Variants in PRKN observed in about 807,000 individuals in gnomAD.
PRKN encodes the protein parkin RBR E3 ubiquitin protein ligase.
In PRKN, 56 loss-of-function variants were observed where a neutral mutation model predicts 59.5. The observed-to-expected ratio is 0.94, with a 90% confidence interval of 0.76 to 1.18. PRKN has a LOEUF of 1.18. PRKN is among the 50% of genes most tolerant of loss of function. PRKN has a pLI of 0.00. For synonymous variants in PRKN, 250 were observed against 222.1 expected (o/e 1.13, Z -1.12); for missense variants, 657 against 596.4 (o/e 1.10, Z -1.06).
rs1051506517 is a variant in PRKN, at chr6:161,628,912, G to T, written c.872-59496C>A. Among the ~76,000 whole-genome samples the T allele has an allele frequency of 2.4e-4, 36 of 152,252 alleles. 1 individual carries two copies. Among genetic ancestry groups the T allele is most frequent in the African/African-American group, 7.5e-4 (31 of 41,538 alleles). On this transcript the variant is annotated intron_variant, in intron 7 of 11. Coordinates refer to ENST00000366898, the MANE Select transcript of PRKN (RefSeq NM_004562.3). ...GAGCAGGCAATGAAGAGAACCATTC[G>T]CAGGACACACAGCTTTAATTAAGTA...
At chr6:162,066,867 T>C (rs1288991496) in intron 4 of PRKN, among the ~76,000 whole-genome samples, 1 of 152,206 alleles carries the variant, frequency 6.6e-6, no homozygotes. Context: ...GTCTTTATGT[T>C]GTGGCAGAAG....
chr6:162,658,046 T>C (rs751994168), intron 1 of PRKN, among the ~76,000 whole-genome samples: 12 of 152,326 alleles, frequency 7.9e-5, no homozygotes, highest in East Asian at 1.9e-4. Flanking sequence ...TGCAACCAGA[T>C]TGCCAACTCT....
intron 2 of PRKN, among the ~76,000 whole-genome samples, chr6:162,354,455 T>C (rs1429588349): frequency 2.0e-5 from 3 of 152,030 alleles, no homozygotes; most frequent in South Asian, 4.1e-4. Flanking sequence ...ATGAGTAATA[T>C]AACAGATTAT....
rs71004079 is a variant in PRKN at position 162,096,848 on chromosome 6, A to ATTTTTTTTTT, written c.535-42684_535-42675dup. On this transcript the variant is annotated intron_variant, in intron 4 of 11. Transcript: ENST00000366898. ...GTGAGAATGGACTCATACAGCTGGA[A>ATTTTTTTTTT]TTTTTTTTTTTTTTTTTTTTTTTTT... Among the ~76,000 whole-genome samples the ATTTTTTTTTT allele has an allele frequency of 4.5e-4, 22 of 49,206 alleles. 4 individuals carry two copies. Among genetic ancestry groups the ATTTTTTTTTT allele is most frequent in the African/African-American group, 1.8e-3 (20 of 11,240 alleles). 32.3% of individuals were successfully genotyped at this position (49,206 alleles called of 152,430 possible).
intron 1 of PRKN, among the ~76,000 whole-genome samples, chr6:162,464,763 A>C (rs1215356293): frequency 1.3e-5 from 2 of 151,590 alleles, no homozygotes; most frequent in Non-Finnish European, 2.9e-5. Flanking sequence ...CAGAAGGCGG[A>C]GCTTGCAGTG....
intron 6 of PRKN, among the ~76,000 whole-genome samples, chr6:161,792,784 A>G (rs1162696822): frequency 6.6e-6 from 1 of 152,230 alleles, no homozygotes; most frequent in Non-Finnish European, 1.5e-5. Context: ...TGGGCATTTA[A>G]CACAGTATTT....
intron 7 of PRKN, among the ~76,000 whole-genome samples, chr6:161,763,119 G>C (rs1789272285): frequency 6.6e-6 from 1 of 152,150 alleles, no homozygotes; most frequent in African/African-American, 2.4e-5. Flanking sequence ...AAACTTATGT[G>C]TCATTCAGGA....
intron 2 of PRKN, among the ~76,000 whole-genome samples, chr6:162,386,233 T>C (rs892548756): frequency 6.6e-6 from 1 of 152,164 alleles, no homozygotes; most frequent in Non-Finnish European, 1.5e-5. Context: ...GCTAACTAAG[T>C]GAGGTAATAC....
chr6:161,831,926 C>T (rs973537675), intron 6 of PRKN, among the ~76,000 whole-genome samples: 1 of 152,212 alleles, frequency 6.6e-6, no homozygotes, highest in Non-Finnish European at 1.5e-5. Flanking sequence ...TGCCAAATGA[C>T]TGGGGAGCCA....
chr6:161,563,704 T>C (rs1283077290), intron 8 of PRKN, among the ~76,000 whole-genome samples: 1 of 152,216 alleles, frequency 6.6e-6, no homozygotes, highest in South Asian at 2.1e-4. Context: ...TCAAGATACC[T>C]ACTAAAGATC....
chr6:162,194,918 C>T (rs536640823), intron 4 of PRKN, among the ~76,000 whole-genome samples: 3 of 152,074 alleles, frequency 2.0e-5, no homozygotes, highest in African/African-American at 4.8e-5. Flanking sequence ...AGAGAGTGGG[C>T]GTGAAAAGGA....
At chr6:162,569,444 A>T in intron 1 of PRKN, 2 of 687,618 alleles carry the variant, frequency 2.9e-6, no homozygotes, top group Non-Finnish European at 5.5e-6. Context: ...CGAGATTGCC[A>T]CCTACAGGAA....
chr6:162,112,121 C>G (rs1780464415), intron 4 of PRKN, among the ~76,000 whole-genome samples: 1 of 152,198 alleles, frequency 6.6e-6, no homozygotes, highest in South Asian at 2.1e-4. Flanking sequence ...GCAGAGAGCA[C>G]ATTTCCACAC....
intron 2 of PRKN, among the ~76,000 whole-genome samples, chr6:162,320,110 C>T (rs758537580): frequency 4.6e-5 from 7 of 151,688 alleles, no homozygotes; most frequent in South Asian, 2.1e-4. Context: ...AATGGCCTCC[C>T]GTTCCATTCA....
intron 6 of PRKN, among the ~76,000 whole-genome samples, chr6:161,896,274 A>T (rs1278151034): frequency 1.3e-5 from 2 of 152,200 alleles, no homozygotes; most frequent in Non-Finnish European, 2.9e-5. Flanking sequence ...GCTGAATAGA[A>T]GACAGTGGAA....
At chr6:161,490,358 T>TCC (rs1562483285) in intron 9 of PRKN, among the ~76,000 whole-genome samples, 7 of 148,196 alleles carry the variant, frequency 4.7e-5, no homozygotes, top group South Asian at 2.2e-4. Flanking sequence ...TCTCTCTCTC[T>TCC]CCCTCTCTCT....
At chr6:162,401,796 G>C in intron 2 of PRKN, among the ~76,000 whole-genome samples, 1 of 150,974 alleles carries the variant, frequency 6.6e-6, no homozygotes, top group Non-Finnish European at 1.5e-5. Flanking sequence ...TTATTAACTT[G>C]AAGTAAATGA....
At chr6:162,628,258 G>A (rs1409184419) in intron 1 of PRKN, among the ~76,000 whole-genome samples, 1 of 152,062 alleles carries the variant, frequency 6.6e-6, no homozygotes, top group Non-Finnish European at 1.5e-5. Flanking sequence ...TTAAGGTAAA[G>A]GGAACTTAAA....
chr6:161,640,195 C>T (rs769770349), intron 7 of PRKN, among the ~76,000 whole-genome samples: 1 of 152,166 alleles, frequency 6.6e-6, no homozygotes, highest in Non-Finnish European at 1.5e-5. Context: ...TATGAAAATA[C>T]TTTTTCTTCT....
Sources: allele counts gnomAD v4.1 joint callset (sites outside exome capture counted in the v4.1 genomes callset), GRCh38; gene constraint gnomAD v4.1.1; transcripts MANE v1.5; gene names NCBI Gene and HGNC (gene_info 2026-07-23, HGNC 2026-07-21).